EPS15L1: variants seen among roughly 807,000 people sequenced by gnomAD.
EPS15L1 encodes the protein epidermal growth factor receptor pathway substrate 15 like 1.
A neutral mutation model predicts 117.1 loss-of-function variants in EPS15L1; 43 were observed. The ratio of observed to expected loss-of-function variants is 0.37; its 90% CI spans 0.29 to 0.47. EPS15L1 has a LOEUF of 0.47. EPS15L1 is among the 20% of genes least tolerant of loss of function. The pLI, the probability that EPS15L1 is intolerant of heterozygous loss-of-function variation, is 0.99. For missense variants in EPS15L1, 981 were observed against 1,164.0 expected, an observed-to-expected ratio of 0.84 and a Z score of 2.29; for synonymous variants, 459 against 470.5, an observed-to-expected ratio of 0.98 and a Z score of 0.32.
intron 8 of EPS15L1, among the ~76,000 whole-genome samples, chr19:16,426,212 T>C (rs2092870953): frequency 1.3e-5 from 2 of 152,182 alleles, no homozygotes; most frequent in African/African-American, 4.8e-5. Context: ...GGGAGGCCCA[T>C]GTGGGGCGGG....
Position 16,355,759 on chromosome 19 carries a change from C to T in EPS15L1, c.2679G>A (p.Gln893=), listed in dbSNP as rs1016736633. 1.9e-5 allele frequency: 29 copies of T among 1,535,960 alleles called. No individual in the cohort carries two copies. Among genetic ancestry groups the T allele is most frequent in the Non-Finnish European group, 2.4e-5 (27 of 1,146,846 alleles). ...GCGCGATGGCCAGTTCCAGGTCCTCCTGCTCCTGCCGCCGCAGCCGCGCCA... is the reference window on the plus strand; with the variant it reads ...GCGCGATGGCCAGTTCCAGGTCCTCTTGCTCCTGCCGCCGCAGCCGCGCCA... ...ERLARLRRQE[Q]EDLELAIALS... Residue 893 remains glutamine, a synonymous_variant, in exon 24 of 24, where the codon CAG becomes CAA. Coordinates refer to ENST00000455140, the MANE Select transcript of EPS15L1 (RefSeq NM_001258374.3).
intron 15 of EPS15L1, among the ~76,000 whole-genome samples, chr19:16,402,723 G>GT (rs2092615001): frequency 0.016 from 2 of 126 alleles, no homozygotes; most frequent in African/African-American, 0.071. Context: ...AACAAACCAA[G>GT]ACCCATCTCT....
At position 16,381,844 on chromosome 19, in the gene EPS15L1, G is replaced by A. The variant is rs543466379; in HGVS notation, c.2247+3285C>T. Among the ~76,000 whole-genome samples the A allele has an allele frequency of 2.0e-5, 3 of 152,316 alleles. No individual in the cohort carries two copies. In the South Asian group the frequency reaches 6.2e-4, roughly 32 times the overall value. On this transcript the variant is annotated intron_variant, in intron 21 of 23. Transcript: ENST00000455140. The surrounding 1 kb of genome is among the most constrained non-coding windows in gnomAD (Gnocchi z 4.2). ...CTAGGGCCCGTGCGAGTCCCCCGCG[G>A]CCTGGGATGGGGAGCCAAGCAGGTC... is the stretch of plus-strand genomic sequence containing the variant.
rs546491233 is a variant in EPS15L1 at position 16,405,602 on chromosome 19, C to T, written c.1267-853G>A. Reference sequence around the variant, plus strand: ...CCATGAGGTGCTGGCTGGAAGGTTCCAGCACAGCCCACACTGTGGGACGCT... The same window carrying T: ...CCATGAGGTGCTGGCTGGAAGGTTCTAGCACAGCCCACACTGTGGGACGCT... On this transcript the variant is annotated intron_variant, in intron 13 of 23. Transcript: ENST00000455140. This position sits in a 1 kb window ranked among gnomAD's most constrained non-coding sequence, Gnocchi z 4.0. 2.8e-4 allele frequency among the ~76,000 whole-genome samples: 42 copies of T among 152,346 alleles called. No homozygotes were observed. Among genetic ancestry groups the T allele is most frequent in the Non-Finnish European group, 5.4e-4 (37 of 68,038 alleles).
chr19:16,452,794 T>C (rs1179384323), intron 1 of EPS15L1, among the ~76,000 whole-genome samples: 1 of 151,704 alleles, frequency 6.6e-6, no homozygotes, highest in Non-Finnish European at 1.5e-5. Flanking sequence ...TATTTTATTT[T>C]TTTATTTTTT....
chr19:16,450,782 C>G (rs866916848), intron 1 of EPS15L1, among the ~76,000 whole-genome samples: 3 of 151,632 alleles, frequency 2.0e-5, no homozygotes, highest in Admixed American at 6.6e-5. Context: ...CACGCCTGGC[C>G]AGGGCATGTC....
Position 16,404,834 on chromosome 19 carries a change from C to T in EPS15L1, c.1267-85G>A. 4.7e-6 allele frequency: 7 copies of T among 1,478,032 alleles called. No individual in the cohort carries two copies. Among genetic ancestry groups the T allele is most frequent in the Admixed American group, 3.8e-5 (2 of 53,108 alleles). 91.6% of individuals were successfully genotyped at this position (1,478,032 alleles called of 1,614,324 possible). A position where few individuals can be genotyped will look rare whatever the true frequency, so the allele number is the denominator to read the frequency against. ...ACGGGGGGCAGCCTGGGCCAGAAGT[C>T]CAGGGGAAGCCTCCGAAACCACCCA... On this transcript the variant is annotated intron_variant, in intron 13 of 23. Transcript: ENST00000455140. This position sits in a 1 kb window ranked among gnomAD's most constrained non-coding sequence, Gnocchi z 4.2.
intron 5 of EPS15L1, 74 bp downstream of exon 5, chr19:16,437,696 T>C (rs2092991545): frequency 9.9e-7 from 1 of 1,011,516 alleles, no homozygotes; most frequent in Non-Finnish European, 1.6e-6. Flanking sequence ...TACATGCACA[T>C]ACACACATGC....
At chr19:16,364,369 C>T (rs1424549000) in intron 22 of EPS15L1, among the ~76,000 whole-genome samples, 2 of 152,230 alleles carry the variant, frequency 1.3e-5, no homozygotes, top group East Asian at 1.9e-4. Context: ...ACAGCGCCTG[C>T]CCTCTCAGGG....
intron 16 of EPS15L1, among the ~76,000 whole-genome samples, chr19:16,398,180 T>C (rs1258734000): frequency 6.6e-6 from 1 of 152,228 alleles, no homozygotes; most frequent in Non-Finnish European, 1.5e-5. Flanking sequence ...GTCTGGGCTG[T>C]GAATGAGTGT....
chr19:16,362,039 C>T, intron 22 of EPS15L1, 55 bp from the exon 23 acceptor site: 1 of 1,501,232 alleles, frequency 6.7e-7, no homozygotes, highest in Non-Finnish European at 8.9e-7. Context: ...GAGTTACTCA[C>T]CCGGACAGAG....
In EPS15L1 at chr19:16,416,776, G is replaced by C. The variant is rs559412230; in HGVS notation, c.1193+776C>G. Among the ~76,000 whole-genome samples the C allele has an allele frequency of 2.0e-5, 3 of 152,250 alleles. No homozygotes were observed. In the South Asian group the frequency reaches 6.2e-4, roughly 32 times the overall value. ...GATCACACCACTACGCTCCAGCTTGGGTGACAGAGCGAGACCCTGTCTGAA... is the reference window on the plus strand; with the variant it reads ...GATCACACCACTACGCTCCAGCTTGCGTGACAGAGCGAGACCCTGTCTGAA... On this transcript the variant is annotated intron_variant, in intron 12 of 23. Coordinates refer to ENST00000455140, the MANE Select transcript of EPS15L1 (RefSeq NM_001258374.3).
intron 1 of EPS15L1, among the ~76,000 whole-genome samples, chr19:16,467,867 A>G (rs1187187990): frequency 6.6e-6 from 1 of 152,182 alleles, no homozygotes; most frequent in Non-Finnish European, 1.5e-5. Flanking sequence ...CCCACCAACT[A>G]TGAGACTTCA....
chr19:16,404,895 C>A lies in EPS15L1; in HGVS notation c.1267-146G>T, dbSNP rs2092640896. On this transcript the variant is annotated intron_variant, in intron 13 of 23. Transcript: ENST00000455140. The surrounding 1 kb of genome is among the most constrained non-coding windows in gnomAD (Gnocchi z 4.2). ...GCTCAGGGCCAGCATTCCGTGCACA[C>A]CCACGGCCAATGTGTGCCTCTTGGG... 8 of 841,632 alleles carry A rather than the reference C, an allele frequency of 9.5e-6. No individual in the cohort carries two copies. The East Asian group carries it at 2.1e-4, about 23-fold the overall frequency. The allele number at this position is 841,632 out of a possible 1,614,324, so 52.1% of individuals were successfully genotyped here. A position where few individuals can be genotyped will look rare whatever the true frequency, so the allele number is the denominator to read the frequency against.
chr19:16,415,783 C>T (rs1269637308), intron 12 of EPS15L1, among the ~76,000 whole-genome samples: 1 of 152,226 alleles, frequency 6.6e-6, no homozygotes, highest in South Asian at 2.1e-4. Context: ...GGGTGATTCA[C>T]GCCCCAGCGT....
intron 22 of EPS15L1, among the ~76,000 whole-genome samples, chr19:16,374,689 G>A (rs555202845): frequency 1.7e-4 from 26 of 152,286 alleles, no homozygotes; most frequent in Admixed American, 2.6e-4. Context: ...CACTGAAAAT[G>A]AAGCTTTGCA....
At chr19:16,360,658 G>T (rs557462618) in intron 23 of EPS15L1, among the ~76,000 whole-genome samples, 3 of 152,130 alleles carry the variant, frequency 2.0e-5, no homozygotes, top group Non-Finnish European at 4.4e-5. Flanking sequence ...AAGACAGGAG[G>T]ATCGCTTGAG....
At chr19:16,366,321 G>A (rs1277654967) in intron 22 of EPS15L1, among the ~76,000 whole-genome samples, 1 of 152,084 alleles carries the variant, frequency 6.6e-6, no homozygotes, top group African/African-American at 2.4e-5. Flanking sequence ...GGTACAGAAG[G>A]TTCAAATAAA....
chr19:16,370,297 G>A lies in EPS15L1; in HGVS notation c.2380+6825C>T, dbSNP rs1228971277. Among the ~76,000 whole-genome samples the A allele has an allele frequency of 1.3e-5, 2 of 152,126 alleles. No homozygotes were observed. Among genetic ancestry groups the A allele is most frequent in the South Asian group, 2.1e-4 (1 of 4,822 alleles). ...TTTGAATAGGAGAGATGAAAGATGAGGGGCCATGTTCACCCCGCCAGAAAA... is the reference window on the plus strand; with the variant it reads ...TTTGAATAGGAGAGATGAAAGATGAAGGGCCATGTTCACCCCGCCAGAAAA... On this transcript the variant is annotated intron_variant, in intron 22 of 23. Coordinates refer to ENST00000455140, the MANE Select transcript of EPS15L1 (RefSeq NM_001258374.3). This position sits in a 1 kb window ranked among gnomAD's most constrained non-coding sequence, Gnocchi z 5.2.
Sources: allele counts gnomAD v4.1 joint callset (sites outside exome capture counted in the v4.1 genomes callset), GRCh38; gene constraint gnomAD v4.1.1; non-coding constraint Gnocchi (gnomAD v3.1); transcripts MANE v1.5; gene names NCBI Gene and HGNC (gene_info 2026-07-23, HGNC 2026-07-21).